Variants in NUP205 observed in about 807,000 individuals in gnomAD.
The protein encoded by NUP205 is nucleoporin 205.
NUP205 carries 76 observed loss-of-function variants against 253.8 expected under a neutral mutation model. That is an observed-to-expected ratio of 0.30 (90% CI 0.25 to 0.36). The LOEUF is 0.36. NUP205 is among the 10% of genes least tolerant of loss of function. NUP205 has a pLI of 1.00. For missense variants in NUP205, 2,162 were observed against 2,425.5 expected, an observed-to-expected ratio of 0.89 and a Z score of 2.28; for synonymous variants, 832 against 850.1, an observed-to-expected ratio of 0.98 and a Z score of 0.37.
At chr7:135,603,988 G>GA (rs1320728148) in intron 18 of NUP205, among the ~76,000 whole-genome samples, 1 of 152,148 alleles carries the variant, frequency 6.6e-6, no homozygotes, top group African/African-American at 2.4e-5. Flanking sequence ...TCACATGGCA[G>GA]TTTCCCTGTG....
At chr7:135,567,276 C>G (rs1049635389) in intron 1 of NUP205, among the ~76,000 whole-genome samples, 1 of 144,580 alleles carries the variant, frequency 6.9e-6, no homozygotes, top group African/African-American at 2.6e-5. Flanking sequence ...CCCTGCACAT[C>G]TCCCTTTAAA....
intron 7 of NUP205, among the ~76,000 whole-genome samples, chr7:135,582,407 A>G (rs1806331634): frequency 6.6e-6 from 1 of 152,270 alleles, no homozygotes; most frequent in Non-Finnish European, 1.5e-5. Flanking sequence ...TAGTAATTTT[A>G]GTAATTGTTA....
chr7:135,645,384 C>G, intron 40 of NUP205, 84 bp from the exon 41 acceptor site: 1 of 1,396,596 alleles, frequency 7.2e-7, no homozygotes, highest in South Asian at 1.3e-5. Flanking sequence ...TGAGTGCAGT[C>G]TGTCCTTTTT....
intron 35 of NUP205, among the ~76,000 whole-genome samples, chr7:135,630,942 T>TG (rs1563136720): frequency 6.6e-6 from 1 of 151,654 alleles, no homozygotes; most frequent in African/African-American, 2.4e-5. Flanking sequence ...GTTTTGTTTT[T>TG]TTTTTTTAAG....
intron 37 of NUP205, 130 bp from the exon 38 acceptor site, chr7:135,638,427 A>G: frequency 1.2e-6 from 1 of 863,702 alleles, no homozygotes. Context: ...AAAAAAAAAA[A>G]AAAAAGAATA....
At chr7:135,603,710 A>G (rs55701034) in intron 18 of NUP205, among the ~76,000 whole-genome samples, 6,166 of 151,556 alleles carry the variant, frequency 0.041, 160 homozygotes, top group Middle Eastern at 0.099. Flanking sequence ...GGCTTTCACC[A>G]TATTGGCCAG....
At position 135,638,568 on chromosome 7, in the gene NUP205, T is replaced by C. The variant is rs760944917; in HGVS notation, c.5277T>C (p.Asn1759=). Residue 1759 remains asparagine, a synonymous_variant, in exon 38 of 43, where the codon AAT becomes AAC. Transcript: ENST00000285968. ...TTTTTTGATTATAGATTTGTGCCAA[T>C]GTAATGGAATATTGCCAGTCACTCA... ...IELAMQQICA[N]VMEYCQSLML... 8 of 1,613,830 alleles carry C rather than the reference T, an allele frequency of 5.0e-6. No individual in the cohort carries two copies. The South Asian group carries it at 6.6e-5, about 13-fold the overall frequency.
At position 135,646,248 on chromosome 7, in the gene NUP205, A is replaced by T; in HGVS notation, c.5886+17A>T. The T allele has an allele frequency of 1.9e-6, 3 of 1,559,692 alleles. No homozygotes were observed. The highest frequency in any genetic ancestry group is 2.7e-6 in the Non-Finnish European group (3 of 1,130,674). ...TTAGACCAGGTAAGGTTCTATTCTC[A>T]TATTCTTTTATTTTTCTTCATTAAA... On this transcript the variant is annotated intron_variant, in intron 42 of 42. Transcript: ENST00000285968.
chr7:135,570,088 GAGAGA>G, intron 1 of NUP205, among the ~76,000 whole-genome samples: 1 of 148,366 alleles, frequency 6.7e-6, no homozygotes, highest in East Asian at 2.0e-4. Context: ...GAGAGAGAGA[GAGAGA>G]GAAACTGAAG....
intron 34 of NUP205, 39 bp from the exon 35 acceptor site, chr7:135,630,305 A>AT: frequency 7.5e-7 from 1 of 1,341,868 alleles, no homozygotes; most frequent in Non-Finnish European, 9.9e-7. Flanking sequence ...TTCTACTTCT[A>AT]CCTGTTTTTT....
chr7:135,597,543 G>A, intron 14 of NUP205, 125 bp downstream of exon 14: 1 of 612,222 alleles, frequency 1.6e-6, no homozygotes, highest in Non-Finnish European at 2.8e-6. Context: ...TATTTGAAGG[G>A]TTTTCTGATC....
rs555261983 is a variant in NUP205, at chr7:135,610,988, G to C, written c.3196-3171G>C. ...TCAGTGCTTTTTGAACTCACTTTTTGTGTCCTTCTCTTCTTTTTTTTTTTT... is the reference window on the plus strand; with the variant it reads ...TCAGTGCTTTTTGAACTCACTTTTTCTGTCCTTCTCTTCTTTTTTTTTTTT... On this transcript the variant is annotated intron_variant, in intron 22 of 42. Coordinates refer to ENST00000285968, the MANE Select transcript of NUP205 (RefSeq NM_015135.3). Among the ~76,000 whole-genome samples the C allele has an allele frequency of 2.0e-5, 3 of 150,574 alleles. No homozygotes were observed. In the South Asian group the frequency reaches 6.3e-4, roughly 32 times the overall value.
intron 34 of NUP205, 57 bp from the exon 35 acceptor site, chr7:135,630,287 A>G (rs888903282): frequency 4.6e-6 from 6 of 1,310,724 alleles, no homozygotes; most frequent in Non-Finnish European, 2.1e-6. Context: ...ATGCATTTAT[A>G]TATAATTTTC....
At chr7:135,570,048 TATATAG>T (rs1244733195) in intron 1 of NUP205, among the ~76,000 whole-genome samples, 2,396 of 99,450 alleles carry the variant, frequency 0.024, 16 homozygotes, top group Middle Eastern at 0.031. Flanking sequence ...TATATATATA[TATATAG>T]AGAGAGAGAG....
At position 135,619,471 on chromosome 7, in the gene NUP205, G is replaced by C. The variant is rs1226914021; in HGVS notation, c.4012G>C (p.Ala1338Pro). The C allele has an allele frequency of 1.5e-5, 24 of 1,613,588 alleles. No homozygotes were observed. The highest frequency in any genetic ancestry group is 1.9e-5 in the Non-Finnish European group (23 of 1,180,004). Residue 1338 changes from alanine to proline, a missense_variant, in exon 29 of 43, where the codon GCA becomes CCA. Transcript: ENST00000285968. The stretch of plus-strand genomic sequence containing the variant: ...AGAGTTAATGCCTGTGGTCGCCGGG[G>C]CAGTGTTCACACTGACTGCTCACCT... Reference protein sequence around the residue: ...AQELMPVVAGAVFTLTAHLSQ... With the variant: ...AQELMPVVAGPVFTLTAHLSQ...
chr7:135,563,858 G>A (rs1433923216), intron 1 of NUP205, among the ~76,000 whole-genome samples: 5 of 151,984 alleles, frequency 3.3e-5, no homozygotes, highest in African/African-American at 7.2e-5. Context: ...GGTGGTGCGC[G>A]TGCGCCTGTA....
At chr7:135,609,104 C>CAAA (rs1163880987) in intron 22 of NUP205, among the ~76,000 whole-genome samples, 17 of 66,106 alleles carry the variant, frequency 2.6e-4, no homozygotes, top group Non-Finnish European at 3.9e-4. Context: ...AACTCCGTCT[C>CAAA]AAAAAAAAAA....
Position 135,643,292 on chromosome 7 carries a change from C to T in NUP205, c.5493C>T (p.Asp1831=), listed in dbSNP as rs760699866. The T allele has an allele frequency of 9.3e-6, 15 of 1,613,980 alleles. No homozygotes were observed. The East Asian group carries it at 3.3e-4, about 36-fold the overall frequency. ...CTAATGATTTCTTCAGCTATTATGA[C>T]AGTCATCGACAGAGTGTCAGCAAGC... ...QSANDFFSYY[D]SHRQSVSKLQ... Residue 1831 remains aspartate, a synonymous_variant, in exon 39 of 43, where the codon GAC becomes GAT. Transcript: ENST00000285968.
intron 42 of NUP205, among the ~76,000 whole-genome samples, chr7:135,647,727 GA>G (rs1290744004): frequency 5.9e-5 from 9 of 152,018 alleles, no homozygotes; most frequent in Admixed American, 6.6e-5. Context: ...GAAAAAGCTA[GA>G]AAAAAATGCA....
Sources: allele counts gnomAD v4.1 joint callset (sites outside exome capture counted in the v4.1 genomes callset), GRCh38; gene constraint gnomAD v4.1.1; transcripts MANE v1.5; gene names NCBI Gene and HGNC (gene_info 2026-07-23, HGNC 2026-07-21).